ADCY8: variants seen among roughly 807,000 people sequenced by gnomAD.
The protein encoded by ADCY8 is adenylate cyclase 8, also known as adenylate cyclase type 8.
In ADCY8, 51 loss-of-function variants were observed where a neutral mutation model predicts 119.7. The ratio of observed to expected loss-of-function variants is 0.43; its 90% CI spans 0.34 to 0.54. ADCY8 has a LOEUF of 0.54. ADCY8 is among the 20% of genes least tolerant of loss of function. The pLI, the probability that ADCY8 is intolerant of heterozygous loss-of-function variation, is 0.03. For missense variants in ADCY8, 1,383 were observed against 1,598.8 expected (o/e 0.87, Z 2.30); for synonymous variants, 665 against 651.0 (o/e 1.02, Z -0.33).
chr8:130,986,812 G>T (rs1037914022), intron 2 of ADCY8, among the ~76,000 whole-genome samples: 1 of 152,184 alleles, frequency 6.6e-6, no homozygotes, highest in Non-Finnish European at 1.5e-5. Flanking sequence ...AATGCCTGGT[G>T]CATAGTTAAC....
chr8:130,801,520 G>T (rs867696159), intron 14 of ADCY8, among the ~76,000 whole-genome samples: 13 of 151,846 alleles, frequency 8.6e-5, no homozygotes, highest in African/African-American at 2.2e-4. Flanking sequence ...CTTTCTCCTA[G>T]CCTCCTCTCC....
At chr8:130,973,987 A>G (rs915230704) in intron 2 of ADCY8, among the ~76,000 whole-genome samples, 1 of 152,252 alleles carries the variant, frequency 6.6e-6, no homozygotes. Context: ...TGACAGAACC[A>G]GATTTGAAAA....
intron 11 of ADCY8, among the ~76,000 whole-genome samples, chr8:130,838,518 C>T (rs1817054989): frequency 8.3e-5 from 8 of 96,182 alleles, no homozygotes; most frequent in Admixed American, 2.2e-4. Context: ...CTCTAAGGCC[C>T]TCCAGTTTGA....
At chr8:131,014,747 G>A (rs1385404919) in intron 1 of ADCY8, among the ~76,000 whole-genome samples, 1 of 152,164 alleles carries the variant, frequency 6.6e-6, no homozygotes, top group African/African-American at 2.4e-5. Flanking sequence ...TATGTTAAAT[G>A]GGAATGGTAA....
Position 130,885,965 on chromosome 8 carries a change from G to A in ADCY8, c.1912-1204C>T, listed in dbSNP as rs540913296. Among the ~76,000 whole-genome samples the A allele has an allele frequency of 3.3e-5, 5 of 152,014 alleles. No homozygotes were observed. The South Asian group carries it at 6.2e-4, about 19-fold the overall frequency. ...TCCTCTTGCCAAACCTTCAGATATC[G>A]ATGAGCCTCAGAGAGACTTGCTCAT... On this transcript the variant is annotated intron_variant, in intron 7 of 17. Transcript: ENST00000286355.
rs572601613 is a variant in ADCY8 at position 130,938,405 on chromosome 8, A to G, written c.1354-1205T>C. Among the ~76,000 whole-genome samples, 14 of 152,272 alleles carry G rather than the reference A, an allele frequency of 9.2e-5. No individual in the cohort carries two copies. The South Asian group carries it at 2.9e-3, about 32-fold the overall frequency. ...CTGTTTTTCATCATGGACAAGTGAC[A>G]TATCCTCTTGGTTTCCTTGGGCAGC... On this transcript the variant is annotated intron_variant, in intron 4 of 17. Coordinates refer to ENST00000286355, the MANE Select transcript of ADCY8 (RefSeq NM_001115.3).
chr8:130,970,997 G>T (rs1293151098), intron 2 of ADCY8, among the ~76,000 whole-genome samples: 1 of 152,178 alleles, frequency 6.6e-6, no homozygotes, highest in African/African-American at 2.4e-5. Context: ...TTTTTGTGAA[G>T]ACTTGGCACG....
chr8:130,783,912 C>A, intron 16 of ADCY8, 107 bp from the exon 17 acceptor site: 1 of 747,096 alleles, frequency 1.3e-6, no homozygotes, highest in South Asian at 1.8e-5. Flanking sequence ...CCTGCACATC[C>A]CTTTAAGGAA....
intron 7 of ADCY8, chr8:130,892,455 C>T (rs10956557): frequency 0.32 from 48,203 of 152,000 alleles, 8,887 homozygotes; most frequent in East Asian, 0.56. Flanking sequence ...GCAGGTGCCC[C>T]GACTCTGGCT....
intron 7 of ADCY8, among the ~76,000 whole-genome samples, chr8:130,885,356 C>A (rs1818942674): frequency 6.6e-6 from 1 of 151,902 alleles, no homozygotes; most frequent in African/African-American, 2.4e-5. Context: ...CATTATATAT[C>A]TATATATTCA....
At chr8:130,818,350 C>G (rs768424411) in intron 13 of ADCY8, among the ~76,000 whole-genome samples, 3 of 152,190 alleles carry the variant, frequency 2.0e-5, no homozygotes, top group Non-Finnish European at 2.9e-5. Flanking sequence ...GTGGCTTCCT[C>G]TGCTAAAACC....
At chr8:130,836,005 T>G (rs907222833) in intron 12 of ADCY8, among the ~76,000 whole-genome samples, 3 of 152,114 alleles carry the variant, frequency 2.0e-5, no homozygotes, top group African/African-American at 7.2e-5. Context: ...CCACTAAATT[T>G]GAAGAAATCA....
chr8:130,987,009 C>G (rs1822421832), intron 2 of ADCY8, among the ~76,000 whole-genome samples: 1 of 152,134 alleles, frequency 6.6e-6, no homozygotes, highest in Non-Finnish European at 1.5e-5. Context: ...TAATTAAAGT[C>G]ATACTCATCC....
At chr8:130,896,969 C>G (rs1819412505) in intron 7 of ADCY8, among the ~76,000 whole-genome samples, 2 of 152,066 alleles carry the variant, frequency 1.3e-5, no homozygotes. Flanking sequence ...GTTGGATCAT[C>G]CAGTCCAGTT....
chr8:130,862,072 C>A (rs1459633987), intron 9 of ADCY8, among the ~76,000 whole-genome samples: 2 of 152,002 alleles, frequency 1.3e-5, no homozygotes, highest in African/African-American at 4.8e-5. Context: ...TGTTAGATTT[C>A]ATTTGCTAAT....
chr8:130,914,610 A>AACAC (rs1820073781), intron 5 of ADCY8, among the ~76,000 whole-genome samples: 1 of 152,224 alleles, frequency 6.6e-6, no homozygotes, highest in African/African-American at 2.4e-5. Context: ...AAGAACCACA[A>AACAC]ACACACACAA....
intron 1 of ADCY8, among the ~76,000 whole-genome samples, chr8:131,030,359 C>T (rs772658759): frequency 6.6e-5 from 10 of 152,194 alleles, no homozygotes; most frequent in Non-Finnish European, 1.3e-4. Context: ...CTTTTGCACG[C>T]TCTTCTTTTC....
chr8:131,032,090 G>A (rs2130810535), intron 1 of ADCY8, among the ~76,000 whole-genome samples: 1 of 152,292 alleles, frequency 6.6e-6, no homozygotes, highest in African/African-American at 2.4e-5. Flanking sequence ...AAATGAAGTG[G>A]TTATAGTTTT....
intron 1 of ADCY8, among the ~76,000 whole-genome samples, chr8:131,017,072 A>ATT (rs111610879): frequency 3.5e-5 from 5 of 141,816 alleles, no homozygotes; most frequent in Non-Finnish European, 4.6e-5. Context: ...AATGTACATG[A>ATT]TTTTTTTTTT....
Sources: gnomAD v4.1 joint callset for allele counts (sites outside exome capture counted in the v4.1 genomes callset) on GRCh38, gnomAD v4.1.1 for gene constraint, MANE v1.5 for transcripts, NCBI Gene and HGNC (gene_info 2026-07-23, HGNC 2026-07-21) for gene names.